Variants in LTBP1 observed in about 807,000 individuals in gnomAD.
The protein encoded by LTBP1 is latent-transforming growth factor beta-binding protein 1.
In LTBP1, 129 loss-of-function variants were observed where a neutral mutation model predicts 207.6. The observed-to-expected ratio is 0.62, with a 90% CI of 0.54 to 0.72. The LOEUF is 0.72. Ranked by LOEUF, LTBP1 falls within the 30% of genes least tolerant of loss-of-function variation. The pLI is 0.00. For missense variants in LTBP1, 2,281 were observed against 2,217.2 expected (o/e 1.03, Z -0.58); for synonymous variants, 963 against 833.7 (o/e 1.16, Z -2.67).
chr2:32,975,705 T>C (rs1334145729), intron 2 of LTBP1, among the ~76,000 whole-genome samples: 2 of 150,126 alleles, frequency 1.3e-5, no homozygotes, highest in Admixed American at 6.7e-5. Flanking sequence ...TTAATACTTG[T>C]TATGATATCG....
chr2:33,171,611 A>C (rs1253871491), intron 5 of LTBP1, among the ~76,000 whole-genome samples: 2 of 151,752 alleles, frequency 1.3e-5, no homozygotes, highest in African/African-American at 4.8e-5. Context: ...GAACTTCCCC[A>C]ATCTAGCAAG....
chr2:33,152,390 G>T (rs2083614276), intron 5 of LTBP1, among the ~76,000 whole-genome samples: 2 of 152,170 alleles, frequency 1.3e-5, no homozygotes, highest in South Asian at 4.1e-4. Context: ...CTGCAAGAAT[G>T]ACCATAATTA....
intron 2 of LTBP1, among the ~76,000 whole-genome samples, chr2:33,018,816 A>G (rs1688751231): frequency 1.3e-5 from 2 of 152,136 alleles, no homozygotes; most frequent in Non-Finnish European, 2.9e-5. Context: ...ACACAAGTGC[A>G]GAGGCCAGGG....
In LTBP1 at chr2:33,280,065, A is replaced by G; in HGVS notation, c.3019A>G (p.Thr1007Ala). 1.9e-6 allele frequency: 3 copies of G among 1,614,144 alleles called. No homozygotes were observed. Among genetic ancestry groups the G allele is most frequent in the Non-Finnish European group, 2.5e-6 (3 of 1,179,986 alleles). The stretch of plus-strand genomic sequence containing the variant: ...TATTGATGAATGTTTGAATCCAAGC[A>G]CTTGTCCAGATGAGCAGTGTGTGAA... ...EDIDECLNPS[T>A]CPDEQCVNSP... is the part of the protein sequence containing the mutation. Residue 1007 changes from threonine to alanine, a missense_variant, in exon 19 of 34, where the codon ACT becomes GCT. This residue lies in a region of LTBP1 where 1,671 missense variants were observed against 1,634.8 expected (regional missense o/e 1.02). Transcript: ENST00000404816.
At chr2:33,162,635 C>G (rs909514059) in intron 5 of LTBP1, among the ~76,000 whole-genome samples, 1 of 152,208 alleles carries the variant, frequency 6.6e-6, no homozygotes, top group Non-Finnish European at 1.5e-5. Flanking sequence ...GCATAAATCA[C>G]TCATGAAGAT....
chr2:33,223,311 A>G (rs2149444788), intron 9 of LTBP1, among the ~76,000 whole-genome samples: 1 of 152,328 alleles, frequency 6.6e-6, no homozygotes, highest in African/African-American at 2.4e-5. Flanking sequence ...GTCTTTGGTA[A>G]CATAAAAGAA....
At chr2:33,372,224 C>G (rs1283390627) in intron 31 of LTBP1, among the ~76,000 whole-genome samples, 1 of 152,198 alleles carries the variant, frequency 6.6e-6, no homozygotes, top group African/African-American at 2.4e-5. Context: ...TACGTTCTAA[C>G]CTCTTCAGTG....
intron 3 of LTBP1, among the ~76,000 whole-genome samples, chr2:33,079,331 A>G (rs1306487879): frequency 1.3e-5 from 2 of 152,168 alleles, no homozygotes; most frequent in South Asian, 4.1e-4. Flanking sequence ...AAATGGGAAC[A>G]CACACATGGG....
intron 15 of LTBP1, among the ~76,000 whole-genome samples, chr2:33,267,547 T>C (rs2093214285): frequency 6.6e-6 from 1 of 152,216 alleles, no homozygotes; most frequent in Non-Finnish European, 1.5e-5. Flanking sequence ...TGCTGCAAAG[T>C]ATACAAGCAA....
At position 33,262,778 on chromosome 2, in the gene LTBP1, G is replaced by C; in HGVS notation, c.2475G>C (p.Leu825=). The C allele has an allele frequency of 6.2e-7, 1 of 1,606,896 alleles. No homozygotes were observed. The highest frequency in any genetic ancestry group is 8.5e-7 in the Non-Finnish European group (1 of 1,175,714). The part of the protein sequence containing the change: ...KTKLEPGQPQ[L]SPGISTIHLH... ...AACTTGAGCCTGGTCAACCCCAGCT[G>C]TCTCCAGGCATTTCCACTATTCATC... Residue 825 remains leucine (L), a synonymous_variant, in exon 14 of 34, where the codon CTG becomes CTC. Transcript: ENST00000404816.
intron 26 of LTBP1, among the ~76,000 whole-genome samples, chr2:33,356,239 T>A (rs2094857702): frequency 1.3e-5 from 2 of 152,126 alleles, no homozygotes; most frequent in Admixed American, 1.3e-4. Flanking sequence ...AGGGAAGCAA[T>A]CGTGATGAAT....
intron 5 of LTBP1, among the ~76,000 whole-genome samples, chr2:33,144,522 C>G (rs576477431): frequency 9.2e-5 from 14 of 152,132 alleles, no homozygotes; most frequent in Non-Finnish European, 1.8e-4. Flanking sequence ...AAGCTGTGGT[C>G]AGGAGGAAAA....
chr2:33,094,969 A>G (rs547759303), intron 3 of LTBP1, among the ~76,000 whole-genome samples: 3 of 152,336 alleles, frequency 2.0e-5, no homozygotes, highest in East Asian at 3.9e-4. Context: ...TTTATACACT[A>G]TATAGTTTTT....
intron 22 of LTBP1, among the ~76,000 whole-genome samples, chr2:33,306,580 A>AT (rs1424191481): frequency 6.6e-6 from 1 of 151,968 alleles, no homozygotes; most frequent in Admixed American, 6.6e-5. Flanking sequence ...AAAAAAAAAA[A>AT]CCAAAAACCA....
chr2:32,959,948 A>G (rs976391091), intron 2 of LTBP1, among the ~76,000 whole-genome samples: 1 of 152,032 alleles, frequency 6.6e-6, no homozygotes, highest in African/African-American at 2.4e-5. Flanking sequence ...ATTAAAATGT[A>G]GAGTCTCCAT....
chr2:33,024,412 G>T (rs1203030897), intron 3 of LTBP1, among the ~76,000 whole-genome samples: 2 of 152,218 alleles, frequency 1.3e-5, no homozygotes, highest in Non-Finnish European at 2.9e-5. Flanking sequence ...GAACCCTGCA[G>T]ATATGTAGGG....
At chr2:33,190,076 T>A (rs542818938) in intron 7 of LTBP1, among the ~76,000 whole-genome samples, 78 of 152,318 alleles carry the variant, frequency 5.1e-4, no homozygotes, top group South Asian at 1.5e-3. Flanking sequence ...GTGCATGAGT[T>A]GTTTGAAGTG....
intron 3 of LTBP1, among the ~76,000 whole-genome samples, chr2:33,021,663 C>T (rs984684628): frequency 6.6e-6 from 1 of 152,138 alleles, no homozygotes; most frequent in Non-Finnish European, 1.5e-5. Context: ...GGAGTCCTTG[C>T]AAAGAGAGAA....
At chr2:33,372,860 T>C (rs1046357906) in intron 31 of LTBP1, among the ~76,000 whole-genome samples, 1 of 152,068 alleles carries the variant, frequency 6.6e-6, no homozygotes, top group Non-Finnish European at 1.5e-5. Context: ...CAAGACTTCA[T>C]CTGAAAAAAG....
Sources: allele counts gnomAD v4.1 joint callset (sites outside exome capture counted in the v4.1 genomes callset), GRCh38; gene constraint gnomAD v4.1.1; regional missense constraint gnomAD v4.1.1; transcripts MANE v1.5; gene names NCBI Gene and HGNC (gene_info 2026-07-23, HGNC 2026-07-21).